PIK3C2G: variants seen among roughly 807,000 people sequenced by gnomAD.
PIK3C2G encodes the protein phosphatidylinositol 3-kinase C2 domain-containing subunit gamma.
A neutral mutation model predicts 181.1 loss-of-function variants in PIK3C2G; 168 were observed. That is an observed-to-expected ratio of 0.93 (90% confidence interval 0.82 to 1.05). The LOEUF (loss-of-function observed/expected upper bound fraction) is 1.05. Among genes scored for constraint, PIK3C2G ranks in the 50% least tolerant of loss-of-function variants. The pLI is 0.00. For missense variants in PIK3C2G, 1,869 were observed against 1,732.8 expected (o/e 1.08, Z -1.40); for synonymous variants, 573 against 592.2 (o/e 0.97, Z 0.47).
intron 18 of PIK3C2G, among the ~76,000 whole-genome samples, chr12:18,466,904 C>G (rs1937942626): frequency 6.6e-6 from 1 of 151,926 alleles, no homozygotes; most frequent in Non-Finnish European, 1.5e-5. Flanking sequence ...TTAATAACTT[C>G]TTTTTTCACT....
chr12:18,250,832 T>A (rs1948088756), intron 1 of PIK3C2G, among the ~76,000 whole-genome samples: 1 of 152,052 alleles, frequency 6.6e-6, no homozygotes, highest in Non-Finnish European at 1.5e-5. Flanking sequence ...AAAATTTATC[T>A]ATAAATGCAT....
intron 11 of PIK3C2G, among the ~76,000 whole-genome samples, chr12:18,352,699 G>T (rs1172163369): frequency 1.3e-5 from 2 of 152,220 alleles, no homozygotes; most frequent in African/African-American, 4.8e-5. Context: ...TTTTATTGCT[G>T]ATGAAGGTGG....
At chr12:18,724,964 G>A in the PIK3C2G span, among the ~76,000 whole-genome samples, 53 of 152,210 alleles carry the variant, frequency 3.5e-4, no homozygotes, top group Middle Eastern at 0.01. Context: ...CATCCGAAAT[G>A]TTCTCTGATA....
the PIK3C2G span, among the ~76,000 whole-genome samples, chr12:18,663,510 G>T: frequency 7.2e-5 from 11 of 152,060 alleles, no homozygotes; most frequent in Non-Finnish European, 1.2e-4. Context: ...TCAGAGATTT[G>T]AACTTCTGTG....
At chr12:18,277,086 C>T (rs995208285) in intron 1 of PIK3C2G, among the ~76,000 whole-genome samples, 1 of 151,978 alleles carries the variant, frequency 6.6e-6, no homozygotes, top group Non-Finnish European at 1.5e-5. Context: ...AAATGTTTAC[C>T]TTATCACTCG....
chr12:18,678,192 C>T, the PIK3C2G span, among the ~76,000 whole-genome samples: 1 of 152,026 alleles, frequency 6.6e-6, no homozygotes, highest in Non-Finnish European at 1.5e-5. Flanking sequence ...TCACCTGATC[C>T]AATTAGAGGT....
intron 5 of PIK3C2G, among the ~76,000 whole-genome samples, chr12:18,311,899 A>G (rs1950652902): frequency 6.6e-6 from 1 of 152,144 alleles, no homozygotes; most frequent in Non-Finnish European, 1.5e-5. Context: ...AGGGAAGCCG[A>G]CAATGCAGCC....
intron 9 of PIK3C2G, among the ~76,000 whole-genome samples, chr12:18,342,460 T>C (rs1206820751): frequency 6.6e-6 from 1 of 152,116 alleles, no homozygotes; most frequent in African/African-American, 2.4e-5. Context: ...TTTAACTAAT[T>C]GTATTTCCTT....
chr12:18,506,887 G>A (rs1390959366), intron 24 of PIK3C2G, among the ~76,000 whole-genome samples: 1 of 151,938 alleles, frequency 6.6e-6, no homozygotes, highest in African/African-American at 2.4e-5. Context: ...TATACCAGAT[G>A]GCCATAACCT....
intron 25 of PIK3C2G, among the ~76,000 whole-genome samples, chr12:18,543,264 A>C (rs761283020): frequency 3.5e-4 from 53 of 151,696 alleles, no homozygotes; most frequent in Non-Finnish European, 7.1e-4. Context: ...AAATTTGTTT[A>C]AGTTTCTTAT....
upstream of PIK3C2G, among the ~76,000 whole-genome samples, chr12:18,245,524 C>G (rs541697560): frequency 1.1e-4 from 17 of 152,144 alleles, no homozygotes; most frequent in East Asian, 1.2e-3. Context: ...TCCTCACAAG[C>G]AGAAATAATG....
intron 29 of PIK3C2G, among the ~76,000 whole-genome samples, chr12:18,592,894 G>A (rs1377817462): frequency 6.6e-6 from 1 of 151,840 alleles, no homozygotes; most frequent in East Asian, 1.9e-4. Context: ...GGTTTGCCAG[G>A]GCTGCCATAA....
chr12:18,359,008 C>G (rs768792250), intron 11 of PIK3C2G: 2 of 154,194 alleles, frequency 1.3e-5, no homozygotes, highest in African/African-American at 2.4e-5. Flanking sequence ...AGTGAGCAAG[C>G]TGAACAGGTG....
chr12:18,360,657 G>T (rs920787210), intron 11 of PIK3C2G, among the ~76,000 whole-genome samples: 4 of 152,034 alleles, frequency 2.6e-5, no homozygotes, highest in African/African-American at 4.8e-5. Context: ...TTAGTGACAG[G>T]TTTTTCTTTC....
the PIK3C2G span, among the ~76,000 whole-genome samples, chr12:18,726,519 A>G: frequency 2.0e-5 from 3 of 152,166 alleles, no homozygotes; most frequent in Non-Finnish European, 4.4e-5. Flanking sequence ...GAGGAGCTTA[A>G]TTACTATACG....
rs1419890390 is a variant in PIK3C2G, at chr12:18,265,345, TG to T, written c.-79+3769del. ...AAATTAAATGCAAAACAAATGTTTT[TG>T]TATGATTTATTGATAAACAAAAGGA... On this transcript the variant is annotated intron_variant, in intron 1 of 32. Transcript: ENST00000538779. 9.2e-5 allele frequency among the ~76,000 whole-genome samples: 14 copies of T among 152,322 alleles called. No individual in the cohort carries two copies. The East Asian group carries it at 2.7e-3, about 29-fold the overall frequency.
At chr12:18,546,545 A>G in intron 26 of PIK3C2G, 113 bp downstream of exon 26, 1 of 660,048 alleles carries the variant, frequency 1.5e-6, no homozygotes, top group Non-Finnish European at 2.7e-6. Flanking sequence ...TGTTGTTTCT[A>G]GAACAAGCTT....
intron 8 of PIK3C2G, among the ~76,000 whole-genome samples, chr12:18,334,800 T>G (rs1483627212): frequency 6.6e-6 from 1 of 152,032 alleles, no homozygotes; most frequent in Admixed American, 6.6e-5. Context: ...CATCATAGGG[T>G]TTGTAAATTT....
chr12:18,629,222 C>T (rs1949236926), intron 31 of PIK3C2G, among the ~76,000 whole-genome samples: 1 of 152,118 alleles, frequency 6.6e-6, no homozygotes, highest in African/African-American at 2.4e-5. Context: ...TTGTTTCTTC[C>T]TTGTACTGCA....
Sources: gnomAD v4.1 joint callset for allele counts (sites outside exome capture counted in the v4.1 genomes callset) on GRCh38, gnomAD v4.1.1 for gene constraint, MANE v1.5 for transcripts, NCBI Gene and HGNC (gene_info 2026-07-23, HGNC 2026-07-21) for gene names.